The following SLC35F1 variants were observed in gnomAD, a reference collection of about 807,000 sequenced individuals.
The protein encoded by SLC35F1 is solute carrier family 35 member F1.
SLC35F1 carries 14 observed loss-of-function variants against 48.7 expected under a neutral mutation model. The observed-to-expected ratio is 0.29, with a 90% CI of 0.19 to 0.45. SLC35F1 has a LOEUF of 0.45. SLC35F1 is among the 20% of genes least tolerant of loss of function. The probability of loss-of-function intolerance (pLI) is 1.00; values close to 1 mark genes in which losing one functional copy is unlikely to be tolerated. For synonymous variants in SLC35F1, 190 were observed against 202.2 expected, an observed-to-expected ratio of 0.94 and a Z score of 0.51; for missense variants, 404 against 500.0, an observed-to-expected ratio of 0.81 and a Z score of 1.83.
chr6:118,086,711 C>T (rs879606486), intron 1 of SLC35F1, among the ~76,000 whole-genome samples: 6 of 152,152 alleles, frequency 3.9e-5, no homozygotes, highest in Non-Finnish European at 8.8e-5. Context: ...CTTGGTTCAC[C>T]GTGGTCTTTC....
At chr6:118,029,798 A>G (rs1282873285) in intron 1 of SLC35F1, among the ~76,000 whole-genome samples, 2 of 152,112 alleles carry the variant, frequency 1.3e-5, no homozygotes, top group Non-Finnish European at 2.9e-5. Flanking sequence ...TTTTTTTCCA[A>G]TACTTTCCAC....
chr6:117,938,846 TC>T (rs1776192884), intron 1 of SLC35F1, among the ~76,000 whole-genome samples: 1 of 142,228 alleles, frequency 7.0e-6, no homozygotes, highest in African/African-American at 2.7e-5. Context: ...GCTATCCCCC[TC>T]CCCCGCCCTC....
At chr6:118,208,443 CATTT>C (rs1471154728) in intron 2 of SLC35F1, among the ~76,000 whole-genome samples, 4 of 152,174 alleles carry the variant, frequency 2.6e-5, no homozygotes, top group African/African-American at 9.6e-5. Flanking sequence ...TTGACCAAGA[CATTT>C]ATTATTTTGT....
chr6:118,037,878 G>A (rs1296451423), intron 1 of SLC35F1, among the ~76,000 whole-genome samples: 2 of 151,772 alleles, frequency 1.3e-5, no homozygotes, highest in South Asian at 2.1e-4. Context: ...GGGGGGTGGG[G>A]GGCAAGAGGA....
At chr6:118,112,101 CTTTTCT>C (rs1562293539) in intron 1 of SLC35F1, among the ~76,000 whole-genome samples, 19 of 82,802 alleles carry the variant, frequency 2.3e-4, no homozygotes, top group African/African-American at 8.5e-4. Context: ...CTTTTCTTTT[CTTTTCT>C]TTTCTTTTCT....
intron 1 of SLC35F1, 80 bp from the exon 2 acceptor site, chr6:118,154,365 T>A: frequency 7.9e-7 from 1 of 1,265,174 alleles, no homozygotes; most frequent in East Asian, 2.3e-5. Context: ...ATGCTACCAG[T>A]GCTCAAAAAG....
At position 118,114,470 on chromosome 6, in the gene SLC35F1, T is replaced by C. The variant is rs551000762; in HGVS notation, c.174-39975T>C. ...GCTCAAACTCTCATTCCTTCTCCTATATTAACCAGTTAGTCTTTCCCCCAC... is the reference window on the plus strand; with the variant it reads ...GCTCAAACTCTCATTCCTTCTCCTACATTAACCAGTTAGTCTTTCCCCCAC... On this transcript the variant is annotated intron_variant, in intron 1 of 7. Transcript: ENST00000360388. Among the ~76,000 whole-genome samples, 14 of 152,218 alleles carry C rather than the reference T, an allele frequency of 9.2e-5. 1 individual carries two copies. Among genetic ancestry groups the C allele is most frequent in the African/African-American group, 3.4e-4 (14 of 41,532 alleles).
intron 2 of SLC35F1, among the ~76,000 whole-genome samples, chr6:118,195,949 A>G (rs1774795268): frequency 2.0e-5 from 3 of 152,198 alleles, no homozygotes; most frequent in African/African-American, 7.2e-5. Context: ...GACACCATCT[A>G]TTAAAAACTC....
chr6:117,953,931 C>T (rs894998234), intron 1 of SLC35F1, among the ~76,000 whole-genome samples: 5 of 152,176 alleles, frequency 3.3e-5, no homozygotes, highest in African/African-American at 9.7e-5. Context: ...CAAGTTACCA[C>T]CCAGGGCATG....
intron 1 of SLC35F1, among the ~76,000 whole-genome samples, chr6:118,121,403 G>T (rs1179059256): frequency 6.6e-6 from 1 of 152,114 alleles, no homozygotes; most frequent in African/African-American, 2.4e-5. Flanking sequence ...AGTTATAATT[G>T]TCATTTTATA....
intron 1 of SLC35F1, among the ~76,000 whole-genome samples, chr6:118,112,470 C>A (rs1336105825): frequency 3.3e-5 from 5 of 152,118 alleles, no homozygotes; most frequent in Admixed American, 2.6e-4. Flanking sequence ...CCTACTCTGT[C>A]TATGAAGCTG....
intron 2 of SLC35F1, among the ~76,000 whole-genome samples, chr6:118,228,476 G>T (rs1042558327): frequency 4.6e-5 from 7 of 152,234 alleles, no homozygotes; most frequent in African/African-American, 1.7e-4. Context: ...GGAGAGGCGG[G>T]CAGATCACTT....
chr6:118,090,838 G>T (rs976031991), intron 1 of SLC35F1, among the ~76,000 whole-genome samples: 1 of 152,118 alleles, frequency 6.6e-6, no homozygotes, highest in East Asian at 1.9e-4. Context: ...TGGACAATGG[G>T]GGGGCATAAG....
intron 1 of SLC35F1, among the ~76,000 whole-genome samples, chr6:118,077,415 A>G (rs552634979): frequency 9.9e-5 from 15 of 152,238 alleles, no homozygotes; most frequent in Non-Finnish European, 1.9e-4. Context: ...TGACTACTCT[A>G]CAAGAGAGAC....
intron 1 of SLC35F1, among the ~76,000 whole-genome samples, chr6:118,110,923 G>A (rs939381085): frequency 4.6e-5 from 7 of 152,142 alleles, no homozygotes; most frequent in African/African-American, 9.6e-5. Flanking sequence ...TCCTCCAGGG[G>A]TGTTGTTGGG....
chr6:118,131,253 A>G (rs1773707630), intron 1 of SLC35F1, among the ~76,000 whole-genome samples: 1 of 152,106 alleles, frequency 6.6e-6, no homozygotes, highest in African/African-American at 2.4e-5. Flanking sequence ...AAACAAAAAA[A>G]ATCTGTTAAC....
chr6:118,311,117 A>T (rs1032647744), intron 7 of SLC35F1, among the ~76,000 whole-genome samples: 1 of 151,842 alleles, frequency 6.6e-6, no homozygotes, highest in Non-Finnish European at 1.5e-5. Context: ...TTCTATCCAG[A>T]CTCTAGCTTT....
In SLC35F1 at chr6:118,155,440, C is replaced by T. The variant is rs964708956; in HGVS notation, c.349+820C>T. 2.6e-5 allele frequency among the ~76,000 whole-genome samples: 4 copies of T among 152,178 alleles called. No homozygotes were observed. The East Asian group carries it at 5.8e-4, about 22-fold the overall frequency. ...ATTATCATGGGATTAATGCCATCAGCTAAATGTGGGTTTGGTCCCCCTCTT... is the reference window on the plus strand; with the variant it reads ...ATTATCATGGGATTAATGCCATCAGTTAAATGTGGGTTTGGTCCCCCTCTT... On this transcript the variant is annotated intron_variant, in intron 2 of 7. Transcript: ENST00000360388.
intron 1 of SLC35F1, among the ~76,000 whole-genome samples, chr6:118,128,919 A>C (rs1279665386): frequency 6.6e-6 from 1 of 152,176 alleles, no homozygotes; most frequent in African/African-American, 2.4e-5. Context: ...TCAGTGTTTT[A>C]ACTTTGGCTA....
Sources: allele counts gnomAD v4.1 joint callset (sites outside exome capture counted in the v4.1 genomes callset), GRCh38; gene constraint gnomAD v4.1.1; transcripts MANE v1.5; gene names NCBI Gene and HGNC (gene_info 2026-07-23, HGNC 2026-07-21).